Variants in FOXN1 observed in about 807,000 individuals in gnomAD.
FOXN1 encodes forkhead box N1.
FOXN1 carries 15 observed loss-of-function variants against 49.0 expected under a neutral mutation model. The ratio of observed to expected loss-of-function variants is 0.31; its 90% CI spans 0.20 to 0.47. The LOEUF (loss-of-function observed/expected upper bound fraction) is 0.47, where lower values mean the gene tolerates loss of function less well. FOXN1 is among the 20% of genes least tolerant of loss of function. The pLI is 1.00. For synonymous variants in FOXN1, 356 were observed against 369.0 expected (o/e 0.96, Z 0.40); for missense variants, 800 against 842.8 (o/e 0.95, Z 0.63).
At chr17:28,516,389 TC>T (rs2069501286) in intron 1 of FOXN1, among the ~76,000 whole-genome samples, 1 of 150,626 alleles carries the variant, frequency 6.6e-6, no homozygotes. Context: ...GGTACACACC[TC>T]CACAGGATCC....
intron 1 of FOXN1, among the ~76,000 whole-genome samples, chr17:28,510,866 T>C (rs2069381289): frequency 6.6e-6 from 1 of 152,160 alleles, no homozygotes; most frequent in Non-Finnish European, 1.5e-5. Flanking sequence ...AAAAAATTAT[T>C]TGGGGTGGCA....
chr17:28,534,410 C>T lies in FOXN1; in HGVS notation c.1007C>T (p.Ser336Leu), dbSNP rs1362105123. 1 of 1,614,166 alleles carries T rather than the reference C, an allele frequency of 6.2e-7. No homozygotes were observed. The highest frequency in any genetic ancestry group is 2.2e-5 in the East Asian group (1 of 44,872). The change falls in exon 7 of 9, where the codon TCA becomes TTA. Residue 336 changes from serine to leucine, a missense_variant. By Grantham distance (145) the Ser-to-Leu change is moderately radical. Coordinates refer to ENST00000579795, the MANE Select transcript of FOXN1 (RefSeq NM_001369369.1). The surrounding 1 kb of genome is among the most constrained non-coding windows in gnomAD (Gnocchi z 4.1). ...TGCTTCGAGAAGGTGGAGAACAAATCAGGAAGTTCCTCCCGCAAGGGCTGC... is the reference window on the plus strand; with the variant it reads ...TGCTTCGAGAAGGTGGAGAACAAATTAGGAAGTTCCTCCCGCAAGGGCTGC... Reference protein sequence around the residue: ...NKCFEKVENKSGSSSRKGCLW... With the variant: ...NKCFEKVENKLGSSSRKGCLW...
At position 28,523,998 on chromosome 17, in the gene FOXN1, A is replaced by T; in HGVS notation, c.29A>T (p.Asp10Val). The T allele has an allele frequency of 1.2e-6, 2 of 1,612,936 alleles. No homozygotes were observed. Among genetic ancestry groups the T allele is most frequent in the Non-Finnish European group, 1.7e-6 (2 of 1,179,892 alleles). ...GTGTCGCTACCCCCGCCGCAGTCTG[A>T]CGTCACGCTGCCGGGCCCCACCAGA... MVSLPPPQS[D>V]VTLPGPTRLE... Residue 10 changes from aspartate (D) to valine (V), a missense_variant, in exon 2 of 9, where the codon GAC (aspartate) becomes GTC (valine). Transcript: ENST00000579795.
At chr17:28,522,884 T>A (rs1287302583) in intron 1 of FOXN1, among the ~76,000 whole-genome samples, 1 of 151,370 alleles carries the variant, frequency 6.6e-6, no homozygotes, top group Non-Finnish European at 1.5e-5. Flanking sequence ...ATATTCATAA[T>A]GAGAACTGGC....
rs2070008063 is a variant in FOXN1, at chr17:28,534,672, G to T, written c.1136-35G>T. 3.1e-6 allele frequency: 5 copies of T among 1,612,844 alleles called. No individual in the cohort carries two copies. The highest frequency in any genetic ancestry group is 4.5e-5 in the East Asian group (2 of 44,884). ...CTGGGGAAGACTGTGGAGGAGGGAG[G>T]TCTCATGGTGTTCTTTCTCTCTTGG... is the stretch of plus-strand genomic sequence containing the variant. On this transcript the variant is annotated intron_variant, in intron 7 of 8. Transcript: ENST00000579795. The surrounding 1 kb of genome is among the most constrained non-coding windows in gnomAD (Gnocchi z 4.1).
chr17:28,524,488 T>C lies in FOXN1; in HGVS notation c.124-15T>C. 22 of 1,612,332 alleles carry C rather than the reference T, an allele frequency of 1.4e-5. No homozygotes were observed. The highest frequency in any genetic ancestry group is 1.9e-5 in the Non-Finnish European group (22 of 1,178,780). ...CAGCCTCCACTCACAGGCTCGCTAC[T>C]CTCTGTCTACCCAGAAGCATGCCGG... On this transcript the variant is annotated splice_polypyrimidine_tract_variant and intron_variant, in intron 2 of 8. Transcript: ENST00000579795.
Position 28,524,048 on chromosome 17 carries a change from C to T in FOXN1, c.79C>T (p.Leu27Phe), listed in dbSNP as rs779728088. 1 of 1,611,414 alleles carries T rather than the reference C, an allele frequency of 6.2e-7. No homozygotes were observed. Among genetic ancestry groups the T allele is most frequent in the Non-Finnish European group, 8.5e-7 (1 of 1,179,708 alleles). The change falls in exon 2 of 9, where the codon CTC becomes TTC. Residue 27 changes from leucine (L) to phenylalanine (F), a missense_variant. This residue lies in a region of FOXN1 where 383 missense variants were observed against 357.9 expected (regional missense o/e 1.07). Transcript: ENST00000579795. ...TRLEGERQGD[L>F]MQAPGLPGSP... ...ACTGGAGGGCGAGCGCCAAGGGGAC[C>T]TCATGCAGGCACCGGGCCTCCCAGG...
chr17:28,506,401 C>A lies in FOXN1; in HGVS notation c.-57C>A, dbSNP rs1292838842. On this transcript the variant is annotated 5_prime_UTR_variant, in exon 1 of 9. Transcript: ENST00000579795. ...CTGACAGACGGACAGAGCTCCTGGC[C>A]CCCCAGACCCGGGCCCCCACGCCGA... 1 of 152,414 alleles carries A rather than the reference C, an allele frequency of 6.6e-6. No individual in the cohort carries two copies. The highest frequency in any genetic ancestry group is 2.4e-5 in the African/African-American group (1 of 41,462). The allele number at this position is 152,414 out of a possible 1,614,324, so 9.4% of individuals were successfully genotyped here. A position where few individuals can be genotyped will look rare whatever the true frequency, so the allele number is the denominator to read the frequency against.
At chr17:28,520,736 G>A (rs373634210) in intron 1 of FOXN1, among the ~76,000 whole-genome samples, 1 of 152,366 alleles carries the variant, frequency 6.6e-6, no homozygotes, top group East Asian at 1.9e-4. Context: ...CAAGAATGGG[G>A]TGAGGCCGAC....
intron 1 of FOXN1, among the ~76,000 whole-genome samples, chr17:28,514,985 G>T (rs1301088271): frequency 6.6e-6 from 1 of 152,134 alleles, no homozygotes; most frequent in African/African-American, 2.4e-5. Flanking sequence ...AGCCCGGGTT[G>T]GAATCCTGGG....
Position 28,533,492 on chromosome 17 carries a change from C to CCCCA in FOXN1, c.928-837_928-836insCACC, listed in dbSNP as rs538785855. Reference sequence around the variant, plus strand: ...TATTCTATTGGCACGAGCACCCCCCCCCACTGCCTGAGGGCTGGCCTCCCC... The same window carrying CCCCA: ...TATTCTATTGGCACGAGCACCCCCCCCCCACCACTGCCTGAGGGCTGGCCTCCCC... On this transcript the variant is annotated intron_variant, in intron 6 of 8. Transcript: ENST00000579795. Among the ~76,000 whole-genome samples, 240 of 151,240 alleles carry CCCCA rather than the reference C, an allele frequency of 1.6e-3. 8 individuals are homozygous for CCCCA. Among genetic ancestry groups the CCCCA allele is most frequent in the African/African-American group, 5.6e-3 (230 of 41,002 alleles).
At chr17:28,537,071 C>T (rs2070084673) in intron 8 of FOXN1, 46 bp from the exon 9 acceptor site, 2 of 1,475,080 alleles carry the variant, frequency 1.4e-6, no homozygotes, top group African/African-American at 1.4e-5. Flanking sequence ...AGACAGGGCT[C>T]CTCCGGTGCC....
At chr17:28,509,158 A>T (rs1216822842) in intron 1 of FOXN1, among the ~76,000 whole-genome samples, 9 of 151,774 alleles carry the variant, frequency 5.9e-5, no homozygotes, top group Non-Finnish European at 1.3e-4. Flanking sequence ...TCCAGAATAC[A>T]TTGGGTCTTT....
chr17:28,517,112 C>A (rs1597539031), intron 1 of FOXN1, among the ~76,000 whole-genome samples: 2 of 95,298 alleles, frequency 2.1e-5, no homozygotes, highest in South Asian at 4.0e-4. Context: ...TCCACAGGAT[C>A]CATACCTCAA....
Position 28,523,992 on chromosome 17 carries a change from A to G in FOXN1, c.23A>G (p.Gln8Arg). 4 of 1,613,120 alleles carry G rather than the reference A, an allele frequency of 2.5e-6. No individual in the cohort carries two copies. The South Asian group carries it at 3.3e-5, about 13-fold the overall frequency. Residue 8 changes from glutamine to arginine, a missense_variant, in exon 2 of 9, where the codon CAG (glutamine) becomes CGG (arginine). Physicochemically the swap from Gln to Arg is conservative, Grantham distance 43. Around this residue, in one of 3 missense-constraint regions of FOXN1, gnomAD observed 383 missense variants for 357.9 expected, o/e 1.07. Coordinates refer to ENST00000579795, the MANE Select transcript of FOXN1 (RefSeq NM_001369369.1). MVSLPPP[Q>R]SDVTLPGPTR... Reference sequence around the variant, plus strand: ...GTGATGGTGTCGCTACCCCCGCCGCAGTCTGACGTCACGCTGCCGGGCCCC... The same window carrying G: ...GTGATGGTGTCGCTACCCCCGCCGCGGTCTGACGTCACGCTGCCGGGCCCC...
intron 1 of FOXN1, among the ~76,000 whole-genome samples, chr17:28,521,460 T>C (rs756591506): frequency 6.6e-6 from 1 of 152,230 alleles, no homozygotes; most frequent in Non-Finnish European, 1.5e-5. Context: ...GCCCGAGCTC[T>C]CCAGGAGGAG....
chr17:28,516,623 T>C (rs1188477387), intron 1 of FOXN1, among the ~76,000 whole-genome samples: 111 of 90,972 alleles, frequency 1.2e-3, no homozygotes, highest in South Asian at 1.9e-3. Context: ...GCAGGATCCA[T>C]ACCTCCACAG....
At chr17:28,536,967 G>A (rs2070081574) in intron 8 of FOXN1, 150 bp from the exon 9 acceptor site, 1 of 706,856 alleles carries the variant, frequency 1.4e-6, no homozygotes, top group Non-Finnish European at 2.6e-6. Context: ...GCAACTGCCT[G>A]GGGTCACAAG....
chr17:28,532,180 C>T (rs768836394), intron 6 of FOXN1, among the ~76,000 whole-genome samples: 20 of 152,202 alleles, frequency 1.3e-4, no homozygotes, highest in Admixed American at 1.2e-3. Flanking sequence ...CACCCCTCCC[C>T]GCATCTCATC....
Sources: allele counts gnomAD v4.1 joint callset (sites outside exome capture counted in the v4.1 genomes callset), GRCh38; gene constraint gnomAD v4.1.1; regional missense constraint gnomAD v4.1.1; non-coding constraint Gnocchi (gnomAD v3.1); transcripts MANE v1.5; gene names NCBI Gene and HGNC (gene_info 2026-07-23, HGNC 2026-07-21).